TBC1D3H: variants seen among roughly 807,000 people sequenced by gnomAD.
The protein encoded by TBC1D3H is TBC1 domain family member 3-like.
intron 3 of TBC1D3H, among the ~76,000 whole-genome samples, chr17:36,385,842 C>A (rs1292780502): frequency 7.6e-6 from 1 of 132,168 alleles, no homozygotes; most frequent in Non-Finnish European, 1.6e-5. Context: ...ACACACCCTG[C>A]GTTTCAGAAG....
At chr17:36,388,273 G>GT (rs1448688754) in intron 1 of TBC1D3H, 52 bp downstream of exon 1, 14 of 121,672 alleles carry the variant, frequency 1.2e-4, no homozygotes, top group African/African-American at 3.7e-4. Context: ...CGCCCGCACC[G>GT]TAGCCACTGC....
chr17:36,388,446 A>G (rs1211499584), upstream of TBC1D3H: 2 of 147,744 alleles, frequency 1.4e-5, no homozygotes, highest in Admixed American at 6.7e-5. Context: ...GAGGCAGGCC[A>G]GAGAGCAGAC....
chr17:36,385,769 G>C (rs1393688485), intron 3 of TBC1D3H, among the ~76,000 whole-genome samples: 2 of 131,278 alleles, frequency 1.5e-5, no homozygotes, highest in Admixed American at 1.5e-4. Flanking sequence ...CCACTTGACA[G>C]CCCCAAGGCC....
intron 3 of TBC1D3H, among the ~76,000 whole-genome samples, chr17:36,385,764 TGAC>T (rs1333266982): frequency 7.7e-6 from 1 of 130,674 alleles, no homozygotes; most frequent in Non-Finnish European, 1.6e-5. Context: ...CCACCCCACT[TGAC>T]AGCCCCAAGG....
In TBC1D3H at chr17:36,388,404, C is replaced by G. The variant is rs2069704536; in HGVS notation, c.-81G>C. The G allele has an allele frequency of 6.7e-6, 1 of 149,422 alleles. No homozygotes were observed. The highest frequency in any genetic ancestry group is 6.7e-5 in the Admixed American group (1 of 14,988). The allele number at this position is 149,422 out of a possible 1,614,324, so 9.3% of individuals were successfully genotyped here. On this transcript the variant is annotated 5_prime_UTR_variant, in exon 1 of 14. Transcript: ENST00000610350. ...GAGTCCACAGAGCTGCTCACAGATA[C>G]CACTGCCTGTGTGTAACTGCTGTAG...
chr17:36,388,400 G>A lies in TBC1D3H; in HGVS notation c.-77C>T, dbSNP rs1331822414. ...CTTTGAGTCCACAGAGCTGCTCACA[G>A]ATACCACTGCCTGTGTGTAACTGCT... On this transcript the variant is annotated 5_prime_UTR_variant, in exon 1 of 14. Coordinates refer to ENST00000610350, the MANE Select transcript of TBC1D3H (RefSeq NM_001123392.4). 6.7e-6 allele frequency: 1 copy of A among 149,296 alleles called. No homozygotes were observed. Among genetic ancestry groups the A allele is most frequent in the Non-Finnish European group, 1.5e-5 (1 of 66,936 alleles). The allele number at this position is 149,296 out of a possible 1,614,324, so 9.2% of individuals were successfully genotyped here. A position where few individuals can be genotyped will look rare whatever the true frequency, so the allele number is the denominator to read the frequency against.
chr17:36,385,822 C>T (rs1164870578), intron 3 of TBC1D3H, among the ~76,000 whole-genome samples: 19 of 132,312 alleles, frequency 1.4e-4, no homozygotes, highest in African/African-American at 5.1e-4. Context: ...CCTCTCCCTG[C>T]ACCCGAGCCA....
chr17:36,388,443 G>C (rs140588917), upstream of TBC1D3H: 1 of 147,794 alleles, frequency 6.8e-6, no homozygotes, highest in Non-Finnish European at 1.5e-5. Context: ...ACTGAGGCAG[G>C]CCAGAGAGCA....
At chr17:36,385,343 GC>G in intron 3 of TBC1D3H, 50 bp from the exon 4 acceptor site, 1 of 399,976 alleles carries the variant, frequency 2.5e-6, no homozygotes. Flanking sequence ...GCCTGGAGCG[GC>G]CCCAGCCTGG....
intron 3 of TBC1D3H, among the ~76,000 whole-genome samples, chr17:36,385,826 C>G (rs1381437238): frequency 7.6e-6 from 1 of 132,146 alleles, no homozygotes; most frequent in African/African-American, 2.8e-5. Context: ...TCCCTGCACC[C>G]GAGCCACACA....
rs1336198443 is a variant in TBC1D3H, at chr17:36,385,914, T to C, written c.159-621A>G. Among the ~76,000 whole-genome samples the C allele has an allele frequency of 1.6e-5, 2 of 127,142 alleles. 1 individual carries two copies. Among genetic ancestry groups the C allele is most frequent in the Non-Finnish European group, 3.3e-5 (2 of 60,308 alleles). 83.4% of individuals were successfully genotyped at this position (127,142 alleles called of 152,430 possible). Reference sequence around the variant, plus strand: ...CCAGGGATCCTCTGTCTCTCCATCCTGTGATCCCTGAGGGATGGGCTCCTG... The same window carrying C: ...CCAGGGATCCTCTGTCTCTCCATCCCGTGATCCCTGAGGGATGGGCTCCTG... On this transcript the variant is annotated intron_variant, in intron 3 of 13. Coordinates refer to ENST00000610350, the MANE Select transcript of TBC1D3H (RefSeq NM_001123392.4).
At chr17:36,386,055 C>T (rs2069669405) in intron 3 of TBC1D3H, among the ~76,000 whole-genome samples, 1 of 127,774 alleles carries the variant, frequency 7.8e-6, no homozygotes, top group African/African-American at 3.0e-5. Context: ...GGGGCCCTGC[C>T]CATCTTCCCC....
rs1266475694 is a variant in TBC1D3H, at chr17:36,385,849, G to A, written c.159-556C>T. On this transcript the variant is annotated intron_variant, in intron 3 of 13. Transcript: ENST00000610350. ...CCCGAGCCACACACCCTGCGTTTCAGAAGTGGCACGGCTCATCAGCTCCCT... is the reference window on the plus strand; with the variant it reads ...CCCGAGCCACACACCCTGCGTTTCAAAAGTGGCACGGCTCATCAGCTCCCT... 3.0e-5 allele frequency among the ~76,000 whole-genome samples: 4 copies of A among 131,982 alleles called. 1 individual carries two copies. Among genetic ancestry groups the A allele is most frequent in the African/African-American group, 1.1e-4 (4 of 35,116 alleles). 86.6% of individuals were successfully genotyped at this position (131,982 alleles called of 152,430 possible).
At chr17:36,385,871 C>G (rs1193876945) in intron 3 of TBC1D3H, among the ~76,000 whole-genome samples, 24 of 131,076 alleles carry the variant, frequency 1.8e-4, no homozygotes, top group African/African-American at 5.5e-4. Context: ...CTCATCAGCT[C>G]CCTCCCGCCC....
intron 3 of TBC1D3H, among the ~76,000 whole-genome samples, chr17:36,386,000 G>A (rs1354798329): frequency 3.4e-3 from 426 of 124,156 alleles, no homozygotes; most frequent in African/African-American, 0.013. Flanking sequence ...GTCTTTAGCC[G>A]CGAGCCCTGC....
chr17:36,385,867 A>T lies in TBC1D3H; in HGVS notation c.159-574T>A. Among the ~76,000 whole-genome samples, 2 of 130,190 alleles carry T rather than the reference A, an allele frequency of 1.5e-5. 1 individual carries two copies. 85.4% of individuals were successfully genotyped at this position (130,190 alleles called of 152,430 possible). ...CGTTTCAGAAGTGGCACGGCTCATC[A>T]GCTCCCTCCCGCCCTACCTCCCCAG... On this transcript the variant is annotated intron_variant, in intron 3 of 13. Transcript: ENST00000610350.
In TBC1D3H at chr17:36,385,824, C is replaced by G. The variant is rs1376960312; in HGVS notation, c.159-531G>C. 1.5e-5 allele frequency among the ~76,000 whole-genome samples: 2 copies of G among 132,270 alleles called. 1 individual carries two copies. Among genetic ancestry groups the G allele is most frequent in the Non-Finnish European group, 3.2e-5 (2 of 61,986 alleles). 86.8% of individuals were successfully genotyped at this position (132,270 alleles called of 152,430 possible). On this transcript the variant is annotated intron_variant, in intron 3 of 13. Coordinates refer to ENST00000610350, the MANE Select transcript of TBC1D3H (RefSeq NM_001123392.4). ...CAGCATCCACCTGCCTCTCCCTGCACCCGAGCCACACACCCTGCGTTTCAG... is the reference window on the plus strand; with the variant it reads ...CAGCATCCACCTGCCTCTCCCTGCAGCCGAGCCACACACCCTGCGTTTCAG...
chr17:36,385,963 CA>C lies in TBC1D3H; in HGVS notation c.158+612del, dbSNP rs2069666362. ...TGGCTGGGCTCCTCTTACCCGGCCCCAGATCCCTTCCCAGCACCAGACCCAG... is the reference window on the plus strand; with the variant it reads ...TGGCTGGGCTCCTCTTACCCGGCCCCGATCCCTTCCCAGCACCAGACCCAG... On this transcript the variant is annotated intron_variant, in intron 3 of 13. Coordinates refer to ENST00000610350, the MANE Select transcript of TBC1D3H (RefSeq NM_001123392.4). Among the ~76,000 whole-genome samples the C allele has an allele frequency of 3.2e-5, 4 of 125,216 alleles. 1 individual carries two copies. The highest frequency in any genetic ancestry group is 1.2e-4 in the African/African-American group (4 of 33,074). The allele number at this position is 125,216 out of a possible 152,430, so 82.1% of individuals were successfully genotyped here.
At chr17:36,385,569 C>T (rs1231795646) in intron 3 of TBC1D3H, among the ~76,000 whole-genome samples, 6 of 119,696 alleles carry the variant, frequency 5.0e-5, no homozygotes, top group African/African-American at 1.5e-4. Context: ...GGCTGCCCGT[C>T]CTGGACTCGA....
Sources: gnomAD v4.1 joint callset for allele counts (sites outside exome capture counted in the v4.1 genomes callset) on GRCh38, gnomAD v4.1.1 for gene constraint, MANE v1.5 for transcripts, NCBI Gene and HGNC (gene_info 2026-07-23, HGNC 2026-07-21) for gene names.